The following PRKD1 variants were observed in gnomAD, a reference collection of about 807,000 sequenced individuals.
PRKD1 encodes the protein protein kinase D1.
Under a neutral mutation model 95.9 loss-of-function variants are expected in PRKD1, and 63 were observed. The observed-to-expected ratio is 0.66, with a 90% CI of 0.54 to 0.81. PRKD1 has a LOEUF of 0.81. Among genes scored for constraint, PRKD1 ranks in the 30% least tolerant of loss-of-function variants. The pLI, the probability that PRKD1 is intolerant of heterozygous loss-of-function variation, is 0.00. For synonymous variants in PRKD1, 425 were observed against 423.1 expected (o/e 1.00, Z -0.05); for missense variants, 1,048 against 1,165.3 (o/e 0.90, Z 1.47).
At chr14:29,672,681 T>C (rs896593076) in intron 2 of PRKD1, among the ~76,000 whole-genome samples, 30 of 152,042 alleles carry the variant, frequency 2.0e-4, no homozygotes, top group African/African-American at 5.8e-4. Context: ...TAATTCAGCA[T>C]AGTTACAGTA....
At chr14:29,671,430 A>G (rs993524912) in intron 2 of PRKD1, among the ~76,000 whole-genome samples, 4 of 152,250 alleles carry the variant, frequency 2.6e-5, no homozygotes, top group African/African-American at 9.6e-5. Context: ...TTAAAAGCTA[A>G]AAGAGAACAG....
At chr14:29,850,580 T>G (rs888879052) in intron 1 of PRKD1, among the ~76,000 whole-genome samples, 1 of 151,208 alleles carries the variant, frequency 6.6e-6, no homozygotes, top group East Asian at 2.0e-4. Flanking sequence ...AAATCACAGA[T>G]AACACAACAA....
At chr14:29,927,213 G>GCTCCCC in intron 1 of PRKD1, 36 bp downstream of exon 1, 1 of 1,462,870 alleles carries the variant, frequency 6.8e-7, no homozygotes, top group Non-Finnish European at 9.0e-7. Context: ...CTGCGCCGCG[G>GCTCCCC]GGAGGCGCCG....
At position 29,597,764 on chromosome 14, in the gene PRKD1, G is replaced by C; in HGVS notation, c.2167-6C>G. ...CCAAAATCACAAAGTTTCACCTGTT[G>C]ATGAAAGGATTTGCAGAAATACTCC... On this transcript the variant is annotated splice_polypyrimidine_tract_variant and splice_region_variant and intron_variant, in intron 15 of 17. Transcript: ENST00000331968. The C allele has an allele frequency of 6.2e-7, 1 of 1,607,204 alleles. No individual in the cohort carries two copies. Among genetic ancestry groups the C allele is most frequent in the South Asian group, 1.1e-5 (1 of 90,274 alleles).
At chr14:29,799,386 G>T (rs1889937774) in intron 1 of PRKD1, among the ~76,000 whole-genome samples, 1 of 152,168 alleles carries the variant, frequency 6.6e-6, no homozygotes, top group Non-Finnish European at 1.5e-5. Flanking sequence ...TATTTGCACT[G>T]ATTTTATTAA....
At chr14:29,826,818 TA>T (rs1891194658) in intron 1 of PRKD1, among the ~76,000 whole-genome samples, 1 of 24,354 alleles carries the variant, frequency 4.1e-5, no homozygotes. Flanking sequence ...TATATACACA[TA>T]TATATATATA....
At chr14:29,895,517 C>T (rs1213126147) in intron 1 of PRKD1, among the ~76,000 whole-genome samples, 1 of 152,098 alleles carries the variant, frequency 6.6e-6, no homozygotes, top group African/African-American at 2.4e-5. Context: ...CTTTACAAAC[C>T]TGAATCAGGT....
chr14:29,593,188 A>C (rs1009932027), intron 16 of PRKD1, among the ~76,000 whole-genome samples: 4 of 152,214 alleles, frequency 2.6e-5, no homozygotes, highest in Non-Finnish European at 5.9e-5. Context: ...CAAATACTGT[A>C]AAAGTGTGAG....
intron 10 of PRKD1, among the ~76,000 whole-genome samples, chr14:29,629,450 T>G (rs2139106832): frequency 6.6e-6 from 1 of 152,306 alleles, no homozygotes; most frequent in South Asian, 2.1e-4. Flanking sequence ...AAAGTCTACC[T>G]GTTGGAATTC....
chr14:29,833,753 G>T (rs1891504843), intron 1 of PRKD1, among the ~76,000 whole-genome samples: 1 of 151,900 alleles, frequency 6.6e-6, no homozygotes, highest in African/African-American at 2.4e-5. Context: ...TACTTTGGTT[G>T]ACTTATCTTC....
chr14:29,627,331 G>A (rs1879693114), intron 11 of PRKD1, among the ~76,000 whole-genome samples: 1 of 152,186 alleles, frequency 6.6e-6, no homozygotes, highest in Non-Finnish European at 1.5e-5. Flanking sequence ...AACCCAAAGT[G>A]ACAGAAGAGG....
At chr14:29,631,796 T>TTTTA (rs58611172) in intron 9 of PRKD1, among the ~76,000 whole-genome samples, 1 of 140,886 alleles carries the variant, frequency 7.1e-6, no homozygotes, top group Admixed American at 7.2e-5. Flanking sequence ...GCGCCTGGCC[T>TTTTA]TTTATTTATT....
At chr14:29,859,368 G>C (rs1170267649) in intron 1 of PRKD1, among the ~76,000 whole-genome samples, 2 of 151,980 alleles carry the variant, frequency 1.3e-5, no homozygotes, top group Admixed American at 6.6e-5. Flanking sequence ...CAGCACTTTG[G>C]GAGGCTGAGG....
chr14:29,790,030 T>TG (rs1555344887), intron 1 of PRKD1, among the ~76,000 whole-genome samples: 1 of 139,888 alleles, frequency 7.1e-6, no homozygotes, highest in Non-Finnish European at 1.6e-5. Flanking sequence ...TTTTTTTTTT[T>TG]GAGATGGAGT....
At chr14:29,754,315 G>C (rs1424572103) in intron 1 of PRKD1, among the ~76,000 whole-genome samples, 1 of 152,100 alleles carries the variant, frequency 6.6e-6, no homozygotes, top group Non-Finnish European at 1.5e-5. Context: ...GCTGTCCTTT[G>C]ATGAGCAGAA....
intron 1 of PRKD1, among the ~76,000 whole-genome samples, chr14:29,869,229 G>A (rs530557447): frequency 3.1e-4 from 47 of 152,118 alleles, no homozygotes; most frequent in Admixed American, 2.5e-3. Flanking sequence ...GATCACCTGA[G>A]ATTAGGAGTT....
chr14:29,636,609 T>C (rs959751110), intron 6 of PRKD1, 115 bp from the exon 7 acceptor site: 12 of 995,082 alleles, frequency 1.2e-5, no homozygotes, highest in South Asian at 8.1e-5. Flanking sequence ...GGTAGTTCTG[T>C]GATGAGTTTA....
chr14:29,747,640 C>G (rs1211391142), intron 1 of PRKD1, among the ~76,000 whole-genome samples: 1 of 152,170 alleles, frequency 6.6e-6, no homozygotes, highest in East Asian at 1.9e-4. Flanking sequence ...AAGTACTGAT[C>G]TACACACTAC....
At chr14:29,645,723 T>C (rs1276959565) in intron 4 of PRKD1, among the ~76,000 whole-genome samples, 1 of 152,098 alleles carries the variant, frequency 6.6e-6, no homozygotes, top group Non-Finnish European at 1.5e-5. Flanking sequence ...TAGACACGCA[T>C]AACTGTTATT....
Sources: gnomAD v4.1 joint callset for allele counts (sites outside exome capture counted in the v4.1 genomes callset) on GRCh38, gnomAD v4.1.1 for gene constraint, MANE v1.5 for transcripts, NCBI Gene and HGNC (gene_info 2026-07-23, HGNC 2026-07-21) for gene names.